Variants in USP48 observed in about 807,000 individuals in gnomAD.
USP48 encodes ubiquitin carboxyl-terminal hydrolase 48.
A neutral mutation model predicts 150.7 loss-of-function variants in USP48; 43 were observed. That is an observed-to-expected ratio of 0.29 (90% CI 0.22 to 0.37). The LOEUF (loss-of-function observed/expected upper bound fraction) is 0.37. Ranked by LOEUF, USP48 falls within the 10% of genes least tolerant of loss-of-function variation. USP48 has a pLI of 1.00. For missense variants in USP48, 813 were observed against 1,249.6 expected (o/e 0.65, Z 5.27); for synonymous variants, 396 against 425.9 (o/e 0.93, Z 0.86).
At chr1:21,749,979 C>G (rs1009151764) in intron 6 of USP48, among the ~76,000 whole-genome samples, 2 of 152,104 alleles carry the variant, frequency 1.3e-5, no homozygotes, top group Non-Finnish European at 2.9e-5. Flanking sequence ...TCAGTTACCC[C>G]GTGGTCCAAG....
intron 1 of USP48, among the ~76,000 whole-genome samples, chr1:21,773,400 C>T (rs747482338): frequency 4.6e-5 from 7 of 151,916 alleles, no homozygotes; most frequent in Non-Finnish European, 8.8e-5. Context: ...CAGTGGCTCA[C>T]GCCTGTAATC....
chr1:21,712,362 A>G (rs573465830), intron 15 of USP48, among the ~76,000 whole-genome samples: 4 of 152,336 alleles, frequency 2.6e-5, no homozygotes, highest in African/African-American at 4.8e-5. Context: ...CCATCTCAAA[A>G]AAAACCAAAA....
chr1:21,769,068 G>A (rs891029883), intron 1 of USP48, among the ~76,000 whole-genome samples: 114 of 152,040 alleles, frequency 7.5e-4, no homozygotes, highest in African/African-American at 2.6e-3. Flanking sequence ...TTGAGTTGTT[G>A]CTTTTGCTAA....
intron 14 of USP48, among the ~76,000 whole-genome samples, chr1:21,720,156 A>G (rs1174280089): frequency 6.6e-6 from 1 of 152,242 alleles, no homozygotes; most frequent in Non-Finnish European, 1.5e-5. Flanking sequence ...TATTTGATGA[A>G]AGATAAAGAA....
Position 21,749,041 on chromosome 1 carries a change from C to T in USP48, c.775-770G>A, listed in dbSNP as rs560735993. Among the ~76,000 whole-genome samples, 16 of 152,218 alleles carry T rather than the reference C, an allele frequency of 1.1e-4. No homozygotes were observed. The East Asian group carries it at 2.9e-3, about 28-fold the overall frequency. The stretch of plus-strand genomic sequence containing the variant: ...TTCATGAGACAAAGCTAAAAAGAGA[C>T]GTGTAGAAAAATCAAACATTTTAGC... On this transcript the variant is annotated intron_variant, in intron 6 of 26. Transcript: ENST00000308271.
rs567460835 is a variant in USP48 at position 21,746,969 on chromosome 1, A to G, written c.991+98T>C. On this transcript the variant is annotated intron_variant, in intron 8 of 26. Coordinates refer to ENST00000308271, the MANE Select transcript of USP48 (RefSeq NM_032236.8). ...GTTCCCAGAGAGAGATTAGCAAACAAAAATTGGCAATTGACTGCTATTCTA... is the reference window on the plus strand; with the variant it reads ...GTTCCCAGAGAGAGATTAGCAAACAGAAATTGGCAATTGACTGCTATTCTA... 44 of 945,394 alleles carry G rather than the reference A, an allele frequency of 4.7e-5. No homozygotes were observed. In the East Asian group the frequency reaches 1.1e-3, roughly 24 times the overall value. 58.6% of individuals were successfully genotyped at this position (945,394 alleles called of 1,614,324 possible).
At chr1:21,683,565 G>A (rs2097572594) in intron 25 of USP48, among the ~76,000 whole-genome samples, 1 of 151,970 alleles carries the variant, frequency 6.6e-6, no homozygotes, top group South Asian at 2.1e-4. Flanking sequence ...TTTAAAATTT[G>A]TAGTAGAGAC....
At chr1:21,688,972 T>C (rs898263227) in intron 24 of USP48, among the ~76,000 whole-genome samples, 1 of 152,124 alleles carries the variant, frequency 6.6e-6, no homozygotes, top group Admixed American at 6.5e-5. Context: ...CCTTGTGTTT[T>C]ACCCTTGTTT....
intron 3 of USP48, among the ~76,000 whole-genome samples, chr1:21,755,402 A>T (rs2097829835): frequency 6.6e-6 from 1 of 152,088 alleles, no homozygotes; most frequent in Non-Finnish European, 1.5e-5. Context: ...CTCCAAAAAA[A>T]ACACAAAAAT....
chr1:21,775,550 T>TTTTG (rs2097895885), intron 1 of USP48, among the ~76,000 whole-genome samples: 1 of 152,230 alleles, frequency 6.6e-6, no homozygotes, highest in Non-Finnish European at 1.5e-5. Context: ...CCACCGTGCG[T>TTTTG]GGCCCTCATT....
At chr1:21,732,756 C>A in intron 9 of USP48, 1 of 282,632 alleles carries the variant, frequency 3.5e-6, no homozygotes, top group South Asian at 3.2e-5. Flanking sequence ...TACTATAAAA[C>A]AAGACCTGTT....
At chr1:21,686,265 G>C (rs1485826246) in intron 25 of USP48, 1 of 152,212 alleles carries the variant, frequency 6.6e-6, no homozygotes, top group Non-Finnish European at 1.5e-5. Flanking sequence ...GTCTATTCCA[G>C]TTCTTAGAGG....
At chr1:21,782,600 C>T (rs2097917220) in intron 1 of USP48, among the ~76,000 whole-genome samples, 1 of 152,248 alleles carries the variant, frequency 6.6e-6, no homozygotes, top group Non-Finnish European at 1.5e-5. Context: ...GGATGGGAAC[C>T]CAAACCTTCC....
chr1:21,714,071 C>T (rs905149049), intron 15 of USP48, among the ~76,000 whole-genome samples: 3 of 152,128 alleles, frequency 2.0e-5, no homozygotes, highest in African/African-American at 7.2e-5. Flanking sequence ...TATAAAAGTG[C>T]CAATGTGCAT....
intron 23 of USP48, among the ~76,000 whole-genome samples, chr1:21,694,602 A>AAAC (rs2097619129): frequency 2.6e-5 from 2 of 76,282 alleles, no homozygotes; most frequent in South Asian, 4.4e-4. Context: ...AAAAAAAAAA[A>AAAC]AAAAACCCCC....
intron 8 of USP48, among the ~76,000 whole-genome samples, chr1:21,742,789 G>A (rs2097785238): frequency 1.3e-5 from 2 of 152,046 alleles, no homozygotes; most frequent in African/African-American, 4.8e-5. Context: ...TAAACCTAAA[G>A]GGCTTTGTGG....
intron 15 of USP48, among the ~76,000 whole-genome samples, chr1:21,712,150 G>T (rs1368048988): frequency 6.6e-6 from 1 of 152,228 alleles, no homozygotes; most frequent in Non-Finnish European, 1.5e-5. Flanking sequence ...ACTGAGGTCA[G>T]GAGTTCGAGA....
At chr1:21,752,492 T>C in intron 5 of USP48, 35 bp downstream of exon 5, 1 of 1,602,100 alleles carries the variant, frequency 6.2e-7, no homozygotes, top group Non-Finnish European at 8.5e-7. Context: ...TGTCTTAGAA[T>C]AAAATGTACC....
chr1:21,699,019 G>A (rs955508026), intron 22 of USP48, among the ~76,000 whole-genome samples: 11 of 152,024 alleles, frequency 7.2e-5, no homozygotes, highest in Non-Finnish European at 1.5e-4. Flanking sequence ...GGATGGATAT[G>A]TACACCCATA....
Sources: allele counts gnomAD v4.1 joint callset (sites outside exome capture counted in the v4.1 genomes callset), GRCh38; gene constraint gnomAD v4.1.1; transcripts MANE v1.5; gene names NCBI Gene and HGNC (gene_info 2026-07-23, HGNC 2026-07-21).